Variants in PIK3C2A observed in about 807,000 individuals in gnomAD.
The protein encoded by PIK3C2A is phosphatidylinositol 4-phosphate 3-kinase C2 domain-containing subunit alpha.
PIK3C2A carries 97 observed loss-of-function variants against 204.5 expected under a neutral mutation model. That is an observed-to-expected ratio of 0.47 (90% confidence interval 0.40 to 0.56). PIK3C2A has a LOEUF of 0.56. Ranked by LOEUF, PIK3C2A falls within the 20% of genes least tolerant of loss-of-function variation. PIK3C2A has a pLI of 0.00. For missense variants in PIK3C2A, 1,735 were observed against 1,969.2 expected (o/e 0.88, Z 2.25); for synonymous variants, 653 against 664.4 (o/e 0.98, Z 0.26).
chr11:17,192,298 C>G (rs548200871), intron 1 of PIK3C2A, among the ~76,000 whole-genome samples: 1 of 152,130 alleles, frequency 6.6e-6, no homozygotes, highest in Non-Finnish European at 1.5e-5. Context: ...GTGGGTCAAT[C>G]TAAATCAGAA....
At chr11:17,202,272 A>AG (rs1418674334) in intron 1 of PIK3C2A, among the ~76,000 whole-genome samples, 27 of 151,082 alleles carry the variant, frequency 1.8e-4, no homozygotes, top group Non-Finnish European at 3.7e-4. Flanking sequence ...AAAAAAAAAA[A>AG]AAAGAAAGAA....
intron 8 of PIK3C2A, among the ~76,000 whole-genome samples, chr11:17,137,824 A>G (rs1428959847): frequency 6.6e-6 from 1 of 152,182 alleles, no homozygotes; most frequent in Non-Finnish European, 1.5e-5. Context: ...TCTCTTTGCC[A>G]AGCTAGCGCA....
intron 13 of PIK3C2A, among the ~76,000 whole-genome samples, chr11:17,123,178 G>C (rs2137352470): frequency 6.6e-6 from 1 of 152,226 alleles, no homozygotes; most frequent in East Asian, 1.9e-4. Context: ...GTGGTGGTTT[G>C]GATTACAGAA....
chr11:17,180,547 C>A (rs931218445), intron 1 of PIK3C2A, among the ~76,000 whole-genome samples: 1 of 151,120 alleles, frequency 6.6e-6, no homozygotes, highest in Non-Finnish European at 1.5e-5. Flanking sequence ...AAAGGCTAGG[C>A]GCAGTGGCTC....
chr11:17,165,683 T>C (rs767831150), intron 2 of PIK3C2A, among the ~76,000 whole-genome samples: 3 of 143,034 alleles, frequency 2.1e-5, no homozygotes, highest in Non-Finnish European at 3.0e-5. Context: ...GCTGAGGCAA[T>C]AGAATCGCTT....
intron 11 of PIK3C2A, among the ~76,000 whole-genome samples, chr11:17,132,718 A>G (rs1211347446): frequency 6.6e-6 from 1 of 152,350 alleles, no homozygotes; most frequent in East Asian, 1.9e-4. Flanking sequence ...TTCTAGGTAG[A>G]AAGAGTACAA....
intron 3 of PIK3C2A, among the ~76,000 whole-genome samples, chr11:17,154,183 C>G (rs1850512048): frequency 6.6e-6 from 1 of 152,124 alleles, no homozygotes; most frequent in African/African-American, 2.4e-5. Flanking sequence ...AGGTAGGTCT[C>G]AGAGAGCCTA....
intron 13 of PIK3C2A, among the ~76,000 whole-genome samples, chr11:17,123,523 G>A (rs1849431489): frequency 2.0e-5 from 3 of 148,208 alleles, no homozygotes; most frequent in African/African-American, 7.5e-5. Context: ...GCCTCCCAAA[G>A]TGCCGGGATT....
intron 22 of PIK3C2A, among the ~76,000 whole-genome samples, chr11:17,106,182 T>A (rs1240397015): frequency 6.7e-6 from 1 of 150,314 alleles, no homozygotes; most frequent in Non-Finnish European, 1.5e-5. Context: ...GAGGCTGAGG[T>A]GGGTGGATCA....
chr11:17,092,135 T>C (rs778291872), intron 29 of PIK3C2A, 24 bp downstream of exon 29: 4 of 1,475,162 alleles, frequency 2.7e-6, no homozygotes, highest in Non-Finnish European at 2.8e-6. Flanking sequence ...TAAGATGTTA[T>C]TACTTCTCAT....
chr11:17,133,484 AAATT>A (rs1849769532), intron 11 of PIK3C2A, among the ~76,000 whole-genome samples: 1 of 152,184 alleles, frequency 6.6e-6, no homozygotes, highest in African/African-American at 2.4e-5. Context: ...TTAAGTCACT[AAATT>A]ATTATATTTT....
At chr11:17,182,257 T>G (rs1851592276) in intron 1 of PIK3C2A, among the ~76,000 whole-genome samples, 1 of 152,180 alleles carries the variant, frequency 6.6e-6, no homozygotes, top group African/African-American at 2.4e-5. Context: ...ATATGATTTG[T>G]GCACTTTTCT....
chr11:17,127,952 G>A (rs1413969374), intron 13 of PIK3C2A, among the ~76,000 whole-genome samples: 3 of 152,122 alleles, frequency 2.0e-5, no homozygotes, highest in Non-Finnish European at 1.5e-5. Flanking sequence ...TAGCCAAACT[G>A]CCTGGTTCAA....
chr11:17,111,882 C>CAAAAAAAA (rs201931743), intron 21 of PIK3C2A, among the ~76,000 whole-genome samples: 2 of 31,376 alleles, frequency 6.4e-5, no homozygotes, highest in East Asian at 1.0e-3. Flanking sequence ...GTCTCCAAAA[C>CAAAAAAAA]AAAAAAAAAA....
intron 31 of PIK3C2A, 33 bp from the exon 32 acceptor site, chr11:17,091,492 C>T: frequency 1.2e-6 from 2 of 1,610,202 alleles, no homozygotes; most frequent in South Asian, 2.2e-5. Flanking sequence ...AATAGTAATG[C>T]TTCCTACCAA....
intron 2 of PIK3C2A, among the ~76,000 whole-genome samples, chr11:17,162,600 G>A (rs919378548): frequency 5.3e-5 from 8 of 152,120 alleles, no homozygotes; most frequent in Non-Finnish European, 8.8e-5. Context: ...GTGGCCAACT[G>A]TTCAAAACCT....
chr11:17,148,431 A>G, intron 5 of PIK3C2A: 1 of 425,450 alleles, frequency 2.4e-6, no homozygotes, highest in Non-Finnish European at 4.3e-6. Context: ...TCTTCCTGTA[A>G]AGACTACAAG....
chr11:17,135,976 C>T (rs949602664), intron 9 of PIK3C2A, among the ~76,000 whole-genome samples: 2 of 152,068 alleles, frequency 1.3e-5, no homozygotes, highest in South Asian at 2.1e-4. Flanking sequence ...AATGTCATGA[C>T]GGACAGCTTT....
At chr11:17,160,299 T>C (rs751311413) in intron 2 of PIK3C2A, among the ~76,000 whole-genome samples, 3 of 152,092 alleles carry the variant, frequency 2.0e-5, no homozygotes, top group Non-Finnish European at 4.4e-5. Context: ...GGAATGCCTA[T>C]GTTTAAAGGC....
Sources: allele counts gnomAD v4.1 joint callset (sites outside exome capture counted in the v4.1 genomes callset), GRCh38; gene constraint gnomAD v4.1.1; transcripts MANE v1.5; gene names NCBI Gene and HGNC (gene_info 2026-07-23, HGNC 2026-07-21).